The following COPZ1 variants were observed in gnomAD, a reference collection of about 807,000 sequenced individuals.
The protein encoded by COPZ1 is coatomer subunit zeta-1.
Under a neutral mutation model 31.7 loss-of-function variants are expected in COPZ1, and 4 were observed. The ratio of observed to expected loss-of-function variants is 0.13; its 90% CI spans 0.06 to 0.29. The LOEUF is 0.29. Among genes scored for constraint, COPZ1 ranks in the 10% least tolerant of loss-of-function variants. The pLI, the probability that COPZ1 is intolerant of heterozygous loss-of-function variation, is 1.00. For missense variants in COPZ1, 156 were observed against 211.5 expected (o/e 0.74, Z 1.63); for synonymous variants, 74 against 79.0 (o/e 0.94, Z 0.33).
intron 1 of COPZ1, chr12:54,325,533 C>T (rs1953614487): frequency 4.5e-6 from 1 of 221,742 alleles, no homozygotes; most frequent in Admixed American, 5.1e-5. Flanking sequence ...ACCAAACTCG[C>T]CCCATATTGT....
chr12:54,350,180 C>T, intron 8 of COPZ1: 1 of 683,364 alleles, frequency 1.5e-6, no homozygotes. Context: ...TTGTTACCCG[C>T]CCCCTGCCCG....
chr12:54,350,260 T>G, intron 8 of COPZ1: 1 of 717,088 alleles, frequency 1.4e-6, no homozygotes, highest in Non-Finnish European at 2.5e-6. Flanking sequence ...ACCTCTTCTC[T>G]CTTCATCCCC....
At chr12:54,340,816 C>T (rs1490409911) in intron 2 of COPZ1, among the ~76,000 whole-genome samples, 2 of 152,060 alleles carry the variant, frequency 1.3e-5, no homozygotes, top group African/African-American at 4.8e-5. Context: ...ACTGCAGCCT[C>T]AGCCTCCCAA....
chr12:54,326,479 C>T (rs533757038), intron 1 of COPZ1, among the ~76,000 whole-genome samples: 4 of 147,398 alleles, frequency 2.7e-5, no homozygotes, highest in Non-Finnish European at 5.9e-5. Flanking sequence ...TAATTTCTCC[C>T]TCTCTGGTTA....
rs760823261 is a variant in COPZ1 at position 54,343,332 on chromosome 12, C to T, written c.261+16C>T. ...TGAAAATGAGGTGAGAATCCCCACC[C>T]CTCTTTGCTATTTCTGATCCTACTT... On this transcript the variant is annotated intron_variant, in intron 4 of 8. Transcript: ENST00000262061. 26 of 1,591,146 alleles carry T rather than the reference C, an allele frequency of 1.6e-5. No individual in the cohort carries two copies. Among genetic ancestry groups the T allele is most frequent in the Middle Eastern group, 3.3e-4 (2 of 6,052 alleles).
At chr12:54,336,942 A>G (rs1421229076) in intron 1 of COPZ1, among the ~76,000 whole-genome samples, 1 of 149,024 alleles carries the variant, frequency 6.7e-6, no homozygotes, top group Non-Finnish European at 1.5e-5. Context: ...GAATCACTTG[A>G]ATCCGGGAGG....
intron 2 of COPZ1, among the ~76,000 whole-genome samples, chr12:54,341,065 T>C (rs2137103048): frequency 6.6e-6 from 1 of 152,332 alleles, no homozygotes; most frequent in South Asian, 2.1e-4. Flanking sequence ...TTAGTTGTAC[T>C]GCTGCCCTGC....
chr12:54,326,375 C>G (rs1953644268), intron 1 of COPZ1, among the ~76,000 whole-genome samples: 1 of 138,202 alleles, frequency 7.2e-6, no homozygotes. Flanking sequence ...CTCCTGACCT[C>G]GTAATCCACC....
chr12:54,327,352 A>G (rs900957160), intron 1 of COPZ1, among the ~76,000 whole-genome samples: 2 of 147,466 alleles, frequency 1.4e-5, no homozygotes, highest in Non-Finnish European at 3.0e-5. Context: ...GCTGGAGTGC[A>G]GTGGTGTGAT....
rs115874088 is a variant in COPZ1, at chr12:54,348,164, T to C, written c.447+113T>C. ...GGCTCATAGGATACATACAACCTTC[T>C]CTTTTTCTTTCAAATACATTCAGCC... On this transcript the variant is annotated intron_variant, in intron 7 of 8. Transcript: ENST00000262061. 822 of 848,168 alleles carry C rather than the reference T, an allele frequency of 9.7e-4. 10 individuals are homozygous for C. In the African/African-American group the frequency reaches 0.012, roughly 13 times the overall value. 52.5% of individuals were successfully genotyped at this position (848,168 alleles called of 1,614,324 possible). A position where few individuals can be genotyped will look rare whatever the true frequency, so the allele number is the denominator to read the frequency against.
intron 3 of COPZ1, 182 bp downstream of exon 3, chr12:54,342,469 A>G: frequency 1.7e-6 from 1 of 586,658 alleles, no homozygotes; most frequent in Non-Finnish European, 3.0e-6. Context: ...ACGCGGGAAT[A>G]CCATGCTGGA....
chr12:54,331,469 G>A (rs1408537214), intron 1 of COPZ1, among the ~76,000 whole-genome samples: 1 of 152,052 alleles, frequency 6.6e-6, no homozygotes, highest in African/African-American at 2.4e-5. Context: ...GTGAGCCACT[G>A]CGCCCGGCCT....
chr12:54,347,622 T>C, intron 5 of COPZ1, 145 bp from the exon 6 acceptor site: 1 of 679,510 alleles, frequency 1.5e-6, no homozygotes, highest in South Asian at 1.9e-5. Flanking sequence ...GTGAACTAGC[T>C]AAAAAGTTCT....
chr12:54,330,147 C>T (rs1953724244), intron 1 of COPZ1, among the ~76,000 whole-genome samples: 1 of 152,102 alleles, frequency 6.6e-6, no homozygotes, highest in South Asian at 2.1e-4. Flanking sequence ...AGCTAGGGCG[C>T]GAGCAGTGCC....
intron 5 of COPZ1, chr12:54,346,715 G>A (rs974040562): frequency 1.4e-6 from 1 of 699,004 alleles, no homozygotes; most frequent in East Asian, 2.7e-5. Context: ...AATTAGCCAG[G>A]TGTGGTGGTG....
intron 1 of COPZ1, among the ~76,000 whole-genome samples, chr12:54,337,044 A>G (rs1953883320): frequency 7.0e-6 from 1 of 142,798 alleles, no homozygotes; most frequent in Non-Finnish European, 1.5e-5. Flanking sequence ...AAAAAAAAAA[A>G]GAAGCCCCTG....
chr12:54,326,393 G>A (rs143655315), intron 1 of COPZ1, among the ~76,000 whole-genome samples: 115 of 148,606 alleles, frequency 7.7e-4, no homozygotes, highest in African/African-American at 2.8e-3. Flanking sequence ...ACCCGCCTCG[G>A]CCTCCCAAAG....
chr12:54,350,740 T>C lies in COPZ1; in HGVS notation c.*217T>C, dbSNP rs899756209. 5.1e-6 allele frequency: 3 copies of C among 590,542 alleles called. No individual in the cohort carries two copies. In the African/African-American group the frequency reaches 5.6e-5, roughly 11 times the overall value. 36.6% of individuals were successfully genotyped at this position (590,542 alleles called of 1,614,324 possible). ...AGTTCTGGGAGTAAAGCTCCCAGCATATTTAGATAATAGGGCAGGGGAAGC... is the reference window on the plus strand; with the variant it reads ...AGTTCTGGGAGTAAAGCTCCCAGCACATTTAGATAATAGGGCAGGGGAAGC... On this transcript the variant is annotated 3_prime_UTR_variant, in exon 9 of 9. Transcript: ENST00000262061.
chr12:54,339,896 G>A (rs1953941091), intron 1 of COPZ1, among the ~76,000 whole-genome samples: 1 of 151,994 alleles, frequency 6.6e-6, no homozygotes, highest in African/African-American at 2.4e-5. Context: ...AGTGGTTAAG[G>A]TATAGTGGAA....
Sources: gnomAD v4.1 joint callset for allele counts (sites outside exome capture counted in the v4.1 genomes callset) on GRCh38, gnomAD v4.1.1 for gene constraint, MANE v1.5 for transcripts, NCBI Gene and HGNC (gene_info 2026-07-23, HGNC 2026-07-21) for gene names.